Variants in SLC1A2 observed in about 807,000 individuals in gnomAD.
The protein encoded by SLC1A2 is solute carrier family 1 member 2, also known as excitatory amino acid transporter 2.
A neutral mutation model predicts 48.8 loss-of-function variants in SLC1A2; 15 were observed. That is an observed-to-expected ratio of 0.31 (90% CI 0.21 to 0.47). The LOEUF is 0.47. SLC1A2 is among the 20% of genes least tolerant of loss of function. SLC1A2 has a pLI of 0.99. For missense variants in SLC1A2, 502 were observed against 730.5 expected (o/e 0.69, Z 3.61); for synonymous variants, 279 against 272.6 (o/e 1.02, Z -0.23).
At chr11:35,379,137 G>A (rs551291549) in intron 1 of SLC1A2, among the ~76,000 whole-genome samples, 84 of 152,264 alleles carry the variant, frequency 5.5e-4, no homozygotes, top group Middle Eastern at 3.4e-3. Flanking sequence ...GCTAAGGCAG[G>A]AGTATCGCTT....
intron 1 of SLC1A2, among the ~76,000 whole-genome samples, chr11:35,358,223 TTATGACTAG>T (rs1853553561): frequency 6.6e-6 from 1 of 152,220 alleles, no homozygotes; most frequent in Non-Finnish European, 1.5e-5. Context: ...TTGATGTATG[TTATGACTAG>T]AAGGGGAATA....
chr11:35,289,599 A>C (rs150146787), intron 7 of SLC1A2, among the ~76,000 whole-genome samples: 74 of 152,326 alleles, frequency 4.9e-4, no homozygotes, highest in African/African-American at 1.7e-3. Flanking sequence ...AAGTTACTGA[A>C]ATAATGTTCT....
At chr11:35,276,783 A>G (rs1339758622) in intron 9 of SLC1A2, among the ~76,000 whole-genome samples, 3 of 152,182 alleles carry the variant, frequency 2.0e-5, no homozygotes, top group Non-Finnish European at 4.4e-5. Context: ...CATTGAGCCT[A>G]TTTGTTTTAT....
At chr11:35,317,276 C>T in intron 2 of SLC1A2, 101 bp downstream of exon 2, 1 of 1,364,334 alleles carries the variant, frequency 7.3e-7, no homozygotes, top group Admixed American at 2.3e-5. Context: ...CACGTGGCTT[C>T]CTTTCTGGTG....
intron 5 of SLC1A2, 84 bp from the exon 6 acceptor site, chr11:35,301,729 T>C: frequency 7.6e-7 from 1 of 1,311,322 alleles, no homozygotes; most frequent in Non-Finnish European, 1.1e-6. Flanking sequence ...TCCCAATGTA[T>C]GGAGCCATGT....
At chr11:35,416,035 A>T (rs1488052397) in intron 1 of SLC1A2, among the ~76,000 whole-genome samples, 2 of 152,206 alleles carry the variant, frequency 1.3e-5, no homozygotes, top group African/African-American at 4.8e-5. Context: ...CTCAACTATT[A>T]AATTAGACCT....
rs1950330881 is a variant in SLC1A2 at position 35,257,620 on chromosome 11, CT to C, written c.*3273del. The C allele has an allele frequency of 6.6e-6, 1 of 152,160 alleles. No homozygotes were observed. The highest frequency in any genetic ancestry group is 1.5e-5 in the Non-Finnish European group (1 of 68,034). The allele number at this position is 152,160 out of a possible 1,614,324, so 9.4% of individuals were successfully genotyped here. A position where few individuals can be genotyped will look rare whatever the true frequency, so the allele number is the denominator to read the frequency against. On this transcript the variant is annotated 3_prime_UTR_variant, in exon 11 of 11. Transcript: ENST00000278379. ...GTAAAGTATTACCTTGAAAGATAAG[CT>C]ATTCTTCTCACTGATTGGATTGGAT... is the stretch of plus-strand genomic sequence containing the variant.
intron 1 of SLC1A2, chr11:35,323,105 C>T (rs183864726): frequency 5.5e-5 from 16 of 293,138 alleles, no homozygotes; most frequent in African/African-American, 3.3e-4. Flanking sequence ...GTCTTCACAG[C>T]GTTCATTTGC....
intron 1 of SLC1A2, among the ~76,000 whole-genome samples, chr11:35,332,180 C>T (rs959107547): frequency 6.6e-6 from 1 of 152,216 alleles, no homozygotes; most frequent in African/African-American, 2.4e-5. Context: ...CTAATTACCA[C>T]AAGTGATCAT....
chr11:35,312,112 A>G lies in SLC1A2; in HGVS notation c.561+86T>C, dbSNP rs144553911. The G allele has an allele frequency of 1.8e-3, 2,478 of 1,348,526 alleles. 18 individuals are homozygous for G. The African/African-American group carries it at 0.031, about 17-fold the overall frequency. 83.5% of individuals were successfully genotyped at this position (1,348,526 alleles called of 1,614,324 possible). A position where few individuals can be genotyped will look rare whatever the true frequency, so the allele number is the denominator to read the frequency against. The stretch of plus-strand genomic sequence containing the variant: ...TTATATATTTAGAAAATTTCTACCC[A>G]GAGTTGGTCTGTTAAAATACTCTTA... On this transcript the variant is annotated intron_variant, in intron 4 of 10. Coordinates refer to ENST00000278379, the MANE Select transcript of SLC1A2 (RefSeq NM_004171.4).
chr11:35,362,833 C>A (rs1182680047), intron 1 of SLC1A2, among the ~76,000 whole-genome samples: 1 of 152,150 alleles, frequency 6.6e-6, no homozygotes, highest in Admixed American at 6.5e-5. Flanking sequence ...CATCCAACTT[C>A]TAGTTGCAGC....
chr11:35,334,326 G>T (rs1852539601), intron 1 of SLC1A2, among the ~76,000 whole-genome samples: 1 of 152,092 alleles, frequency 6.6e-6, no homozygotes, highest in Non-Finnish European at 1.5e-5. Flanking sequence ...GTCCCTTTTG[G>T]TTCCATCATT....
intron 6 of SLC1A2, among the ~76,000 whole-genome samples, chr11:35,294,869 G>A (rs191150260): frequency 8.1e-4 from 124 of 152,232 alleles, no homozygotes; most frequent in African/African-American, 2.1e-3. Context: ...GTTAATCAAA[G>A]GCCAGAAAGT....
intron 1 of SLC1A2, among the ~76,000 whole-genome samples, chr11:35,402,063 G>C (rs1855155074): frequency 6.6e-6 from 1 of 152,192 alleles, no homozygotes; most frequent in Non-Finnish European, 1.5e-5. Context: ...TGCTTGGGGA[G>C]ACTTTGATAT....
At chr11:35,378,395 A>C (rs1314149404) in intron 1 of SLC1A2, among the ~76,000 whole-genome samples, 1 of 152,246 alleles carries the variant, frequency 6.6e-6, no homozygotes, top group African/African-American at 2.4e-5. Flanking sequence ...GTTCATCAAA[A>C]ACAGAAGAAA....
At chr11:35,371,394 G>A (rs1477382137) in intron 1 of SLC1A2, among the ~76,000 whole-genome samples, 1 of 152,060 alleles carries the variant, frequency 6.6e-6, no homozygotes, top group Non-Finnish European at 1.5e-5. Flanking sequence ...TCATCTCCCT[G>A]CCACCATCTG....
intron 1 of SLC1A2, chr11:35,322,773 T>G: frequency 1.3e-6 from 1 of 768,184 alleles, no homozygotes; most frequent in Non-Finnish European, 2.2e-6. Flanking sequence ...ACCTGTTGCA[T>G]CAGCTCGAGC....
chr11:35,293,241 A>G (rs1472750603), intron 6 of SLC1A2, among the ~76,000 whole-genome samples: 2 of 152,242 alleles, frequency 1.3e-5, no homozygotes, highest in African/African-American at 4.8e-5. Context: ...GAGGTTAAGA[A>G]AAGCTAAATA....
At position 35,418,834 on chromosome 11, in the gene SLC1A2, C is replaced by T. The variant is rs1290414333; in HGVS notation, c.17+116G>A. On this transcript the variant is annotated intron_variant, in intron 1 of 10. Coordinates refer to ENST00000278379, the MANE Select transcript of SLC1A2 (RefSeq NM_004171.4). ...TCCCATCCCCAGCCAAGCTACGGCTCCGCCACCACCTCCGAGGCCCGCCGC... is the reference window on the plus strand; with the variant it reads ...TCCCATCCCCAGCCAAGCTACGGCTTCGCCACCACCTCCGAGGCCCGCCGC... The T allele has an allele frequency of 3.4e-6, 3 of 876,552 alleles. No homozygotes were observed. In the Admixed American group the frequency reaches 6.3e-5, roughly 18 times the overall value. 54.3% of individuals were successfully genotyped at this position (876,552 alleles called of 1,614,324 possible).
Sources: allele counts gnomAD v4.1 joint callset (sites outside exome capture counted in the v4.1 genomes callset), GRCh38; gene constraint gnomAD v4.1.1; transcripts MANE v1.5; gene names NCBI Gene and HGNC (gene_info 2026-07-23, HGNC 2026-07-21).